KIDINS220: variants seen among roughly 807,000 people sequenced by gnomAD.
KIDINS220 encodes the protein kinase D interacting substrate 220.
A neutral mutation model predicts 157.6 loss-of-function variants in KIDINS220; 63 were observed. The observed-to-expected ratio is 0.40, with a 90% CI of 0.33 to 0.49. The LOEUF (loss-of-function observed/expected upper bound fraction) is 0.49, where lower values mean the gene tolerates loss of function less well. Ranked by LOEUF, KIDINS220 falls within the 20% of genes least tolerant of loss-of-function variation. The pLI is 0.66. For synonymous variants in KIDINS220, 732 were observed against 783.6 expected (o/e 0.93, Z 1.10); for missense variants, 1,772 against 2,171.2 (o/e 0.82, Z 3.65).
chr2:8,784,032 G>C (rs1448908155), intron 17 of KIDINS220, among the ~76,000 whole-genome samples: 3 of 152,096 alleles, frequency 2.0e-5, no homozygotes, highest in African/African-American at 7.2e-5. Context: ...TAGAGCTAGA[G>C]TAATCAAACA....
chr2:8,807,750 C>T (rs1377028424), intron 6 of KIDINS220, among the ~76,000 whole-genome samples: 1 of 152,142 alleles, frequency 6.6e-6, no homozygotes, highest in Non-Finnish European at 1.5e-5. Context: ...GCCAGCACCT[C>T]ACAAAACGAG....
intron 9 of KIDINS220, chr2:8,800,171 T>C (rs1674495526): frequency 2.3e-6 from 1 of 432,972 alleles, no homozygotes; most frequent in South Asian, 5.9e-5. Flanking sequence ...GGACAGTATA[T>C]TCTAAAAACA....
Position 8,733,581 on chromosome 2 carries a change from G to A in KIDINS220, c.3916C>T (p.Arg1306Cys), listed in dbSNP as rs770356254. The change falls in exon 29 of 30, where the codon CGC becomes TGC. Residue 1306 changes from arginine to cysteine, a missense_variant. Coordinates refer to ENST00000256707, the MANE Select transcript of KIDINS220 (RefSeq NM_020738.4). ...SGPAPHGEPARRASHNELPHT... is the reference protein window; with the variant it reads ...SGPAPHGEPACRASHNELPHT... ...GGCAGCTCGTTGTGGGAAGCGCGGC[G>A]AGCAGGCTCACCGTGCGGGGCTGGG... 2.7e-5 allele frequency: 43 copies of A among 1,613,986 alleles called. No individual in the cohort carries two copies. The highest frequency in any genetic ancestry group is 3.2e-5 in the Non-Finnish European group (38 of 1,180,038).
rs374732444 is a variant in KIDINS220 at position 8,802,921 on chromosome 2, A to G, written c.801+9T>C. Reference sequence around the variant, plus strand: ...CCACTAGGAGACAAATGTGAAATAGATGACCTACCCTGTCAGGTATGTTCA... The same window carrying G: ...CCACTAGGAGACAAATGTGAAATAGGTGACCTACCCTGTCAGGTATGTTCA... On this transcript the variant is annotated intron_variant, in intron 8 of 29. Transcript: ENST00000256707. 302 of 1,611,822 alleles carry G rather than the reference A, an allele frequency of 1.9e-4. No homozygotes were observed. Among genetic ancestry groups the G allele is most frequent in the Non-Finnish European group, 2.3e-4 (266 of 1,178,820 alleles).
At chr2:8,822,870 T>C (rs1011320493) in intron 2 of KIDINS220, among the ~76,000 whole-genome samples, 3 of 152,352 alleles carry the variant, frequency 2.0e-5, no homozygotes, top group Admixed American at 2.0e-4. Context: ...CAAAGATTTA[T>C]CTAGTTTATA....
intron 26 of KIDINS220, among the ~76,000 whole-genome samples, chr2:8,739,614 TA>T (rs1303633613): frequency 3.3e-5 from 5 of 152,156 alleles, no homozygotes; most frequent in Admixed American, 3.3e-4. Context: ...ATTCAGTAGG[TA>T]AATTCTTACT....
intron 2 of KIDINS220, among the ~76,000 whole-genome samples, chr2:8,822,666 C>T (rs1320396664): frequency 3.3e-5 from 5 of 152,124 alleles, no homozygotes; most frequent in Non-Finnish European, 7.4e-5. Flanking sequence ...CATAAACATA[C>T]AGCAAAATCC....
In KIDINS220 at chr2:8,736,854, A is replaced by G; in HGVS notation, c.3717+14T>C. The G allele has an allele frequency of 6.2e-7, 1 of 1,613,900 alleles. No homozygotes were observed. Among genetic ancestry groups the G allele is most frequent in the Non-Finnish European group, 8.5e-7 (1 of 1,179,840 alleles). ...CAGCGCTGTCTCTGGTCCGTGTGTAAGTGGCTGCCTCACCTTTTTGATCGT... is the reference window on the plus strand; with the variant it reads ...CAGCGCTGTCTCTGGTCCGTGTGTAGGTGGCTGCCTCACCTTTTTGATCGT... On this transcript the variant is annotated intron_variant, in intron 27 of 29. Coordinates refer to ENST00000256707, the MANE Select transcript of KIDINS220 (RefSeq NM_020738.4).
chr2:8,773,681 A>T (rs1040740061), intron 21 of KIDINS220, among the ~76,000 whole-genome samples: 8 of 152,094 alleles, frequency 5.3e-5, no homozygotes, highest in Non-Finnish European at 1.2e-4. Flanking sequence ...CATGTTGGCC[A>T]GGCTGGTCTT....
intron 21 of KIDINS220, among the ~76,000 whole-genome samples, chr2:8,775,184 C>G (rs1178510542): frequency 6.6e-6 from 1 of 152,156 alleles, no homozygotes; most frequent in African/African-American, 2.4e-5. Context: ...GAGAATCAAA[C>G]ATTCAATTGT....
chr2:8,745,070 G>A (rs983191173), intron 26 of KIDINS220, among the ~76,000 whole-genome samples: 1 of 152,030 alleles, frequency 6.6e-6, no homozygotes, highest in African/African-American at 2.4e-5. Context: ...CTCCTTTACT[G>A]GTCCCTAAAA....
At chr2:8,753,519 G>T (rs906049170) in intron 22 of KIDINS220, among the ~76,000 whole-genome samples, 26 of 152,166 alleles carry the variant, frequency 1.7e-4, no homozygotes, top group African/African-American at 6.3e-4. Flanking sequence ...AAACTCGTGA[G>T]ATTGGTCAAT....
rs780562627 is a variant in KIDINS220 at position 8,750,261 on chromosome 2, G to T, written c.3265C>A (p.Pro1089Thr). 6.2e-7 allele frequency: 1 copy of T among 1,613,954 alleles called. No individual in the cohort carries two copies. The highest frequency in any genetic ancestry group is 8.5e-7 in the Non-Finnish European group (1 of 1,179,928). The change falls in exon 24 of 30, where the codon CCT becomes ACT. Residue 1089 changes from proline to threonine, a missense_variant. Physicochemically the swap from Pro to Thr is conservative, Grantham distance 38 (BLOSUM62 -1). Coordinates refer to ENST00000256707, the MANE Select transcript of KIDINS220 (RefSeq NM_020738.4). ...YPPLPLHEGP[P>T]RAPSGYSQPP... is the part of the protein sequence containing the mutation. ...TGGCTGTACCCTGATGGCGCCCTAG[G>T]AGGACCCTCATGTAGAGGGAGCGGG...
At chr2:8,817,791 A>T in intron 3 of KIDINS220, 75 bp from the exon 4 acceptor site, 1 of 949,024 alleles carries the variant, frequency 1.1e-6, no homozygotes, top group Non-Finnish European at 1.6e-6. Context: ...CTACATTTGA[A>T]CTTACATACC....
chr2:8,766,338 G>C (rs1377718630), intron 22 of KIDINS220, among the ~76,000 whole-genome samples: 2 of 152,048 alleles, frequency 1.3e-5, no homozygotes, highest in Non-Finnish European at 2.9e-5. Context: ...AAACTGTCTT[G>C]CCTCCTTCAA....
rs1238005934 is a variant in KIDINS220 at position 8,744,523 on chromosome 2, C to T, written c.3585+2622G>A. Reference sequence around the variant, plus strand: ...GCTTTTTTAACACATTACCTTGTGACATGACAATTTGTCCAAAAACGTTTG... The same window carrying T: ...GCTTTTTTAACACATTACCTTGTGATATGACAATTTGTCCAAAAACGTTTG... On this transcript the variant is annotated intron_variant, in intron 26 of 29. Coordinates refer to ENST00000256707, the MANE Select transcript of KIDINS220 (RefSeq NM_020738.4). 3.4e-5 allele frequency among the ~76,000 whole-genome samples: 5 copies of T among 145,680 alleles called. No homozygotes were observed. In the East Asian group the frequency reaches 1.0e-3, roughly 30 times the overall value.
At chr2:8,751,746 G>T in intron 22 of KIDINS220, 102 bp from the exon 23 acceptor site, 2 of 793,326 alleles carry the variant, frequency 2.5e-6, no homozygotes, top group Non-Finnish European at 3.9e-6. Context: ...ACACATCTTG[G>T]TCTGATGGAT....
Position 8,793,956 on chromosome 2 carries a change from C to G in KIDINS220, c.1130G>C (p.Arg377Pro). ...TTCTGCCAGTTTCCGGCTCCTTCCA[C>G]GAATAGCAATATGCAAGGGAGTATC... is the stretch of plus-strand genomic sequence containing the variant. ...KGDTPLHIAIRGRSRKLAELL... is the reference protein window; with the variant it reads ...KGDTPLHIAIPGRSRKLAELL... Residue 377 changes from arginine to proline, a missense_variant, in exon 12 of 30, where the codon CGT becomes CCT. Physicochemically the swap from Arg to Pro is moderately radical, Grantham distance 103 (BLOSUM62 -2). Transcript: ENST00000256707. 1 of 1,612,792 alleles carries G rather than the reference C, an allele frequency of 6.2e-7. No individual in the cohort carries two copies. The highest frequency in any genetic ancestry group is 8.5e-7 in the Non-Finnish European group (1 of 1,179,672).
downstream of KIDINS220, chr2:8,724,788 G>A (rs1464402647): frequency 2.0e-5 from 3 of 152,044 alleles, no homozygotes; most frequent in African/African-American, 4.8e-5. This position sits in a 1 kb window ranked among gnomAD's most constrained non-coding sequence, Gnocchi z 4.6. Context: ...CACCATTCCT[G>A]GCTAATTTTT....
Sources: gnomAD v4.1 joint callset for allele counts (sites outside exome capture counted in the v4.1 genomes callset) on GRCh38, gnomAD v4.1.1 for gene constraint, Gnocchi (gnomAD v3.1) non-coding constraint, MANE v1.5 for transcripts, NCBI Gene and HGNC (gene_info 2026-07-23, HGNC 2026-07-21) for gene names.